SKAP1: variants seen among roughly 807,000 people sequenced by gnomAD.
SKAP1 encodes the protein src kinase associated phosphoprotein 1.
A neutral mutation model predicts 58.5 loss-of-function variants in SKAP1; 44 were observed. That is an observed-to-expected ratio of 0.75 (90% CI 0.59 to 0.97). The LOEUF (loss-of-function observed/expected upper bound fraction) is 0.97, where lower values mean the gene tolerates loss of function less well. Ranked by LOEUF, SKAP1 falls within the 50% of genes least tolerant of loss-of-function variation. SKAP1 has a pLI of 0.00. For synonymous variants in SKAP1, 127 were observed against 149.7 expected, an observed-to-expected ratio of 0.85 and a Z score of 1.11; for missense variants, 390 against 435.2, an observed-to-expected ratio of 0.90 and a Z score of 0.92.
intron 12 of SKAP1, among the ~76,000 whole-genome samples, chr17:48,134,721 T>A (rs541304305): frequency 1.1e-3 from 166 of 152,168 alleles, no homozygotes; most frequent in African/African-American, 3.6e-3. Context: ...TTATTTATTT[T>A]TTTTGAGATG....
chr17:48,193,981 T>A (rs1408967547), intron 4 of SKAP1, among the ~76,000 whole-genome samples: 1 of 152,142 alleles, frequency 6.6e-6, no homozygotes, highest in Non-Finnish European at 1.5e-5. Flanking sequence ...ACCACCGTCA[T>A]GAAAAAATAA....
At chr17:48,264,745 A>AACACACACAC (rs55733017) in intron 4 of SKAP1, among the ~76,000 whole-genome samples, 6,551 of 142,756 alleles carry the variant, frequency 0.046, 148 homozygotes, top group Non-Finnish European at 0.053. Context: ...AAATCTACAA[A>AACACACACAC]ACACACACAC....
chr17:48,226,286 G>A (rs2065067078), intron 4 of SKAP1, among the ~76,000 whole-genome samples: 1 of 152,020 alleles, frequency 6.6e-6, no homozygotes, highest in South Asian at 2.1e-4. Flanking sequence ...ATAAGAGAAG[G>A]GAGTTATGTA....
intron 4 of SKAP1, among the ~76,000 whole-genome samples, chr17:48,312,334 TTAAG>T (rs1468454822): frequency 3.3e-5 from 5 of 152,236 alleles, no homozygotes; most frequent in African/African-American, 7.2e-5. Flanking sequence ...TTTTAAGTAA[TTAAG>T]TAATTTGTTT....
At chr17:48,286,704 C>A (rs374974031) in intron 4 of SKAP1, among the ~76,000 whole-genome samples, 13 of 152,358 alleles carry the variant, frequency 8.5e-5, no homozygotes, top group Admixed American at 7.2e-4. Context: ...ACACACTCGA[C>A]TTCTTCCTCA....
chr17:48,192,628 C>T (rs2064562913), intron 4 of SKAP1, among the ~76,000 whole-genome samples: 1 of 152,098 alleles, frequency 6.6e-6, no homozygotes, highest in Admixed American at 6.5e-5. Context: ...ACAGAGACAG[C>T]CCCTGTGAGT....
chr17:48,348,340 C>CA (rs565006476), intron 3 of SKAP1, among the ~76,000 whole-genome samples: 12,777 of 74,784 alleles, frequency 0.17, 682 homozygotes, highest in East Asian at 0.29. Flanking sequence ...AGCCCTGCCT[C>CA]AAAAAAAAAA....
chr17:48,247,647 C>A (rs1426491380), intron 4 of SKAP1, among the ~76,000 whole-genome samples: 1 of 152,144 alleles, frequency 6.6e-6, no homozygotes, highest in Non-Finnish European at 1.5e-5. Context: ...ACATACACCA[C>A]CTTTAATTTT....
At chr17:48,367,561 C>CATATATATATATGGATATATATCCAT (rs2067023684) in intron 2 of SKAP1, among the ~76,000 whole-genome samples, 1 of 142,174 alleles carries the variant, frequency 7.0e-6, no homozygotes, top group East Asian at 2.0e-4. Context: ...GATATATATC[C>CATATATATATATGGATATATATCCAT]ATATATATAT....
intron 9 of SKAP1, among the ~76,000 whole-genome samples, chr17:48,172,413 G>A (rs181033016): frequency 6.6e-6 from 1 of 152,188 alleles, no homozygotes; most frequent in African/African-American, 2.4e-5. Flanking sequence ...CACATTACCC[G>A]ATAAAATAGG....
At chr17:48,233,446 A>G (rs1257026497) in intron 4 of SKAP1, among the ~76,000 whole-genome samples, 1 of 152,194 alleles carries the variant, frequency 6.6e-6, no homozygotes, top group East Asian at 1.9e-4. Flanking sequence ...TGATGGAACT[A>G]GAAAGAAGGG....
chr17:48,326,288 TC>T (rs2066436095), intron 4 of SKAP1, among the ~76,000 whole-genome samples: 1 of 152,208 alleles, frequency 6.6e-6, no homozygotes, highest in Non-Finnish European at 1.5e-5. Context: ...AATTAAAACT[TC>T]TGTCAAAATC....
chr17:48,406,627 G>A (rs1444341398), intron 1 of SKAP1, among the ~76,000 whole-genome samples: 1 of 151,446 alleles, frequency 6.6e-6, no homozygotes, highest in African/African-American at 2.4e-5. Flanking sequence ...GTGCAGTGGT[G>A]CGATCTCGGC....
chr17:48,230,756 CA>C (rs914557661), intron 4 of SKAP1, among the ~76,000 whole-genome samples: 1 of 150,656 alleles, frequency 6.6e-6, no homozygotes, highest in South Asian at 2.1e-4. Context: ...GACCCTGTCT[CA>C]AAAAAAATTG....
chr17:48,270,154 A>G (rs1361729701), intron 4 of SKAP1, among the ~76,000 whole-genome samples: 1 of 152,206 alleles, frequency 6.6e-6, no homozygotes, highest in East Asian at 1.9e-4. Flanking sequence ...GCGTCCTAAA[A>G]TATGAAAAAC....
intron 4 of SKAP1, among the ~76,000 whole-genome samples, chr17:48,196,175 G>A (rs1002836815): frequency 7.9e-5 from 12 of 152,184 alleles, no homozygotes; most frequent in Admixed American, 3.9e-4. Context: ...AGTTGGAATA[G>A]CCCATGCTGT....
chr17:48,371,241 T>G (rs918531954), intron 2 of SKAP1, among the ~76,000 whole-genome samples: 1 of 152,152 alleles, frequency 6.6e-6, no homozygotes, highest in Non-Finnish European at 1.5e-5. Context: ...CTATATACCC[T>G]GTAACAAACC....
chr17:48,421,296 C>CTTTTT (rs35201215), intron 1 of SKAP1, among the ~76,000 whole-genome samples: 1 of 119,240 alleles, frequency 8.4e-6, no homozygotes, highest in Admixed American at 8.6e-5. Context: ...ATAGAGTGTT[C>CTTTTT]TTTTTTTTTT....
intron 4 of SKAP1, among the ~76,000 whole-genome samples, chr17:48,208,960 T>C (rs889240174): frequency 1.3e-5 from 2 of 152,230 alleles, no homozygotes; most frequent in African/African-American, 4.8e-5. Context: ...CTGCAGAATT[T>C]ACAAAATCTA....
Sources: gnomAD v4.1 joint callset for allele counts (sites outside exome capture counted in the v4.1 genomes callset) on GRCh38, gnomAD v4.1.1 for gene constraint, MANE v1.5 for transcripts, NCBI Gene and HGNC (gene_info 2026-07-23, HGNC 2026-07-21) for gene names.